The following MCOLN1 variants were observed in gnomAD, a reference collection of about 807,000 sequenced individuals.
MCOLN1 encodes the protein mucolipin TRP cation channel 1, also known as mucolipin-1.
A neutral mutation model predicts 70.3 loss-of-function variants in MCOLN1; 50 were observed. That is an observed-to-expected ratio of 0.71 (90% confidence interval 0.57 to 0.90). MCOLN1 has a LOEUF of 0.90. Among genes scored for constraint, MCOLN1 ranks in the 40% least tolerant of loss-of-function variants. The probability of loss-of-function intolerance (pLI) is 0.00; values close to 1 mark genes in which losing one functional copy is unlikely to be tolerated. For missense variants in MCOLN1, 598 were observed against 803.5 expected, an observed-to-expected ratio of 0.74 and a Z score of 3.09; for synonymous variants, 366 against 341.0, an observed-to-expected ratio of 1.07 and a Z score of -0.81.
chr19:7,533,325 G>T, intron 12 of MCOLN1, 198 bp from the exon 13 acceptor site: 2 of 656,814 alleles, frequency 3.0e-6, no homozygotes, highest in South Asian at 3.8e-5. Context: ...CAAAGACACA[G>T]CTTGTATCCA....
At chr19:7,523,972 G>A (rs937090347) in intron 1 of MCOLN1, among the ~76,000 whole-genome samples, 2 of 151,798 alleles carry the variant, frequency 1.3e-5, no homozygotes, top group African/African-American at 4.8e-5. Context: ...TCAGCCTCCC[G>A]GGTAGATGGG....
chr19:7,529,520 C>CAAA, intron 10 of MCOLN1, 70 bp from the exon 11 acceptor site: 1 of 1,386,886 alleles, frequency 7.2e-7, no homozygotes, highest in Non-Finnish European at 1.0e-6. Context: ...CTCCCACCCC[C>CAAA]ATCTGGGTGC....
Position 7,533,273 on chromosome 19 carries a change from G to A in MCOLN1, c.1576-250G>A, listed in dbSNP as rs2022690492. ...TCATGTCAGCCCTGGCTCTAGGTCT[G>A]TAGGTGCTGGACCTACAGCAGAAGG... On this transcript the variant is annotated intron_variant, in intron 12 of 13. Coordinates refer to ENST00000264079, the MANE Select transcript of MCOLN1 (RefSeq NM_020533.3). The A allele has an allele frequency of 6.8e-6, 4 of 591,238 alleles. No individual in the cohort carries two copies. The South Asian group carries it at 8.0e-5, about 12-fold the overall frequency. 36.6% of individuals were successfully genotyped at this position (591,238 alleles called of 1,614,324 possible). A position where few individuals can be genotyped will look rare whatever the true frequency, so the allele number is the denominator to read the frequency against.
Position 7,530,353 on chromosome 19 carries a change from C to T in MCOLN1, c.1427C>T (p.Thr476Met). 3 of 1,613,858 alleles carry T rather than the reference C, an allele frequency of 1.9e-6. No individual in the cohort carries two copies. The highest frequency in any genetic ancestry group is 2.2e-5 in the East Asian group (1 of 44,888). ...SLINGDDMFV[T>M]FAAMQAQQGR... ...ATCAATGGGGACGACATGTTTGTGA[C>T]GTTCGCCGCCATGCAGGCGCAGCAG... The change falls in exon 12 of 14, where the codon ACG (threonine) becomes ATG (methionine). Residue 476 changes from threonine (T) to methionine (M), a missense_variant. Physicochemically the swap from Thr to Met is moderately conservative, Grantham distance 81. Transcript: ENST00000264079.
intron 12 of MCOLN1, among the ~76,000 whole-genome samples, chr19:7,533,224 A>G (rs746646138): frequency 4.6e-5 from 7 of 152,176 alleles, no homozygotes; most frequent in East Asian, 1.9e-4. Flanking sequence ...AGCTCACTCA[A>G]TAGATGGTTT....
chr19:7,529,505 C>CCCCCCCCCCCCCCCCCAA, intron 10 of MCOLN1, 85 bp from the exon 11 acceptor site: 2 of 755,742 alleles, frequency 2.6e-6, no homozygotes, highest in Non-Finnish European at 4.5e-6. Flanking sequence ...GGCAAGGCCC[C>CCCCCCCCCCCCCCCCCAA]GCCCCTCCCA....
chr19:7,528,133 C>T lies in MCOLN1; in HGVS notation c.778-25C>T, dbSNP rs757619430. The stretch of plus-strand genomic sequence containing the variant: ...TGGGGCTTGGGGCTGCCAAGGTTTA[C>T]TCTGCCCCCAACTGGCCCCCACAGA... On this transcript the variant is annotated intron_variant, in intron 6 of 13. Transcript: ENST00000264079. This position sits in a 1 kb window ranked among gnomAD's most constrained non-coding sequence, Gnocchi z 4.2. The T allele has an allele frequency of 6.0e-5, 97 of 1,612,116 alleles. No homozygotes were observed. The highest frequency in any genetic ancestry group is 7.9e-5 in the Non-Finnish European group (93 of 1,178,356).
rs762270509 is a variant in MCOLN1 at position 7,527,702 on chromosome 19, C to T, written c.680+74C>T. 6.8e-6 allele frequency: 8 copies of T among 1,180,034 alleles called. No homozygotes were observed. The South Asian group carries it at 9.7e-5, about 14-fold the overall frequency. 73.1% of individuals were successfully genotyped at this position (1,180,034 alleles called of 1,614,324 possible). ...CTAGGCACTCTCACCCCAGCAACTACTTCCCTAAGGTGGGGACAGGGCCCC... is the reference window on the plus strand; with the variant it reads ...CTAGGCACTCTCACCCCAGCAACTATTTCCCTAAGGTGGGGACAGGGCCCC... On this transcript the variant is annotated intron_variant, in intron 5 of 13. Transcript: ENST00000264079.
chr19:7,528,288 C>A lies in MCOLN1; in HGVS notation c.877+31C>A. 6.3e-7 allele frequency: 1 copy of A among 1,590,448 alleles called. No individual in the cohort carries two copies. Among genetic ancestry groups the A allele is most frequent in the Non-Finnish European group, 8.6e-7 (1 of 1,158,598 alleles). On this transcript the variant is annotated intron_variant, in intron 7 of 13. Transcript: ENST00000264079. The surrounding 1 kb of genome is among the most constrained non-coding windows in gnomAD (Gnocchi z 4.2). Reference sequence around the variant, plus strand: ...CCCCTGAGCCCCAGACCAGCACTGACCAGGGGCCCTGGCCTGTCCTGGGAT... The same window carrying A: ...CCCCTGAGCCCCAGACCAGCACTGAACAGGGGCCCTGGCCTGTCCTGGGAT...
chr19:7,533,678 T>A, intron 13 of MCOLN1, 25 bp downstream of exon 13: 2 of 1,614,088 alleles, frequency 1.2e-6, no homozygotes, highest in Non-Finnish European at 1.7e-6. Flanking sequence ...TCTGGCACAT[T>A]CAGATTGGAG....
Position 7,528,485 on chromosome 19 carries a change from C to T in MCOLN1, c.878-112C>T. The T allele has an allele frequency of 1.4e-6, 2 of 1,429,610 alleles. No individual in the cohort carries two copies. The highest frequency in any genetic ancestry group is 1.9e-6 in the Non-Finnish European group (2 of 1,040,460). The allele number at this position is 1,429,610 out of a possible 1,614,324, so 88.6% of individuals were successfully genotyped here. A position where few individuals can be genotyped will look rare whatever the true frequency, so the allele number is the denominator to read the frequency against. On this transcript the variant is annotated intron_variant, in intron 7 of 13. Transcript: ENST00000264079. The surrounding 1 kb of genome is among the most constrained non-coding windows in gnomAD (Gnocchi z 4.2). ...CCAAGCAAGCCCTGAGCCCACTGAC[C>T]AACCAAAACCAGCCGTGCAGCCCCC...
In MCOLN1 at chr19:7,527,557, G is replaced by A. The variant is rs987069104; in HGVS notation, c.609G>A (p.Pro203=). 6.2e-6 allele frequency: 10 copies of A among 1,605,812 alleles called. No homozygotes were observed. The highest frequency in any genetic ancestry group is 1.6e-4 in the Middle Eastern group (1 of 6,074). ...IQVDPPERPP[P]PPSDDLTLLE... is the part of the protein sequence containing the mutation. ...TGGATCCCCCCGAGCGGCCCCCTCCGCCCCCCAGCGACGATCTCACCCTCT... is the reference window on the plus strand; with the variant it reads ...TGGATCCCCCCGAGCGGCCCCCTCCACCCCCCAGCGACGATCTCACCCTCT... The change falls in exon 5 of 14, where the codon CCG becomes CCA. Residue 203 remains proline, a synonymous_variant. Coordinates refer to ENST00000264079, the MANE Select transcript of MCOLN1 (RefSeq NM_020533.3).
intron 11 of MCOLN1, among the ~76,000 whole-genome samples, chr19:7,530,002 T>C (rs2022631397): frequency 6.7e-6 from 1 of 150,282 alleles, no homozygotes; most frequent in African/African-American, 2.5e-5. Flanking sequence ...GCCTGGGACC[T>C]GGCCATTCAC....
chr19:7,531,842 A>G (rs1416720666), intron 12 of MCOLN1, among the ~76,000 whole-genome samples: 1 of 151,784 alleles, frequency 6.6e-6, no homozygotes, highest in Non-Finnish European at 1.5e-5. Flanking sequence ...TAATTTTTGT[A>G]TTTTTAGTAG....
At chr19:7,529,043 C>T in intron 9 of MCOLN1, 58 bp from the exon 10 acceptor site, 4 of 1,613,252 alleles carry the variant, frequency 2.5e-6, no homozygotes, top group East Asian at 2.2e-5. Flanking sequence ...CATATCCTCC[C>T]CCAGGCCCCC....
chr19:7,530,685 G>C (rs2022643405), intron 12 of MCOLN1, among the ~76,000 whole-genome samples, 184 bp downstream of exon 12: 1 of 152,204 alleles, frequency 6.6e-6, no homozygotes, highest in Non-Finnish European at 1.5e-5. Context: ...GGTGGGCTTG[G>C]GCCAGGAGGG....
In MCOLN1 at chr19:7,529,056, A is replaced by G. The variant is rs377144357; in HGVS notation, c.1135-45A>G. The G allele has an allele frequency of 2.7e-5, 44 of 1,612,976 alleles. No individual in the cohort carries two copies. In the East Asian group the frequency reaches 3.8e-4, roughly 14 times the overall value. On this transcript the variant is annotated intron_variant, in intron 9 of 13. Coordinates refer to ENST00000264079, the MANE Select transcript of MCOLN1 (RefSeq NM_020533.3). Reference sequence around the variant, plus strand: ...GCCATATCCTCCCCCAGGCCCCCCAAAGGAAGGGCTGGGCCAGATAGGTTG... The same window carrying G: ...GCCATATCCTCCCCCAGGCCCCCCAGAGGAAGGGCTGGGCCAGATAGGTTG...
intron 10 of MCOLN1, 67 bp from the exon 11 acceptor site, chr19:7,529,523 C>CACAA: frequency 8.6e-7 from 1 of 1,156,278 alleles, no homozygotes; most frequent in Non-Finnish European, 1.2e-6. Flanking sequence ...CCACCCCCAT[C>CACAA]TGGGTGCCCA....
At chr19:7,530,114 GC>G (rs2022634165) in intron 11 of MCOLN1, among the ~76,000 whole-genome samples, 171 bp from the exon 12 acceptor site, 1 of 151,680 alleles carries the variant, frequency 6.6e-6, no homozygotes, top group African/African-American at 2.4e-5. Context: ...ATTCACAGGG[GC>G]CCTAGCCTGG....
Sources: allele counts gnomAD v4.1 joint callset (sites outside exome capture counted in the v4.1 genomes callset), GRCh38; gene constraint gnomAD v4.1.1; non-coding constraint Gnocchi (gnomAD v3.1); transcripts MANE v1.5; gene names NCBI Gene and HGNC (gene_info 2026-07-23, HGNC 2026-07-21).